GRM4: variants seen among roughly 807,000 people sequenced by gnomAD.
GRM4 encodes glutamate metabotropic receptor 4.
GRM4 carries 28 observed loss-of-function variants against 81.7 expected under a neutral mutation model. That is an observed-to-expected ratio of 0.34 (90% CI 0.25 to 0.47). The LOEUF (loss-of-function observed/expected upper bound fraction) is 0.47. Among genes scored for constraint, GRM4 ranks in the 20% least tolerant of loss-of-function variants. The pLI, the probability that GRM4 is intolerant of heterozygous loss-of-function variation, is 1.00. For missense variants in GRM4, 948 were observed against 1,290.0 expected (o/e 0.73, Z 4.06); for synonymous variants, 488 against 528.8 (o/e 0.92, Z 1.06).
Position 34,036,470 on chromosome 6 carries a change from C to T in GRM4, c.1640G>A (p.Gly547Glu), listed in dbSNP as rs779121992. The change falls in exon 9 of 11, where the codon GGG becomes GAG. Residue 547 changes from glycine to glutamate, a missense_variant. Coordinates refer to ENST00000538487, the MANE Select transcript of GRM4 (RefSeq NM_000841.4). This position sits in a 1 kb window ranked among gnomAD's most constrained non-coding sequence, Gnocchi z 9.0. ...GTAGCGGTCCACCTGGTACTGGTAC[C>T]CTGTGCAAGGCTCGCAGTGCCAGCA... is the stretch of plus-strand genomic sequence containing the variant. ...PCCWHCEPCT[G>E]YQYQVDRYTC... The T allele has an allele frequency of 6.2e-7, 1 of 1,613,540 alleles. No homozygotes were observed. Among genetic ancestry groups the T allele is most frequent in the South Asian group, 1.1e-5 (1 of 91,068 alleles).
chr6:34,120,371 G>A lies in GRM4; in HGVS notation c.519+12607C>T, dbSNP rs559489637. Among the ~76,000 whole-genome samples the A allele has an allele frequency of 5.3e-5, 8 of 152,260 alleles. No homozygotes were observed. The South Asian group carries it at 1.0e-3, about 20-fold the overall frequency. ...TCAGCCAGGTCCTGTGGGGGTGAGGGAGGCAAGGAAGGCAGGTGAGGGCTC... is the reference window on the plus strand; with the variant it reads ...TCAGCCAGGTCCTGTGGGGGTGAGGAAGGCAAGGAAGGCAGGTGAGGGCTC... On this transcript the variant is annotated intron_variant, in intron 2 of 10. Coordinates refer to ENST00000538487, the MANE Select transcript of GRM4 (RefSeq NM_000841.4).
chr6:34,075,215 C>T (rs1464087055), intron 3 of GRM4, among the ~76,000 whole-genome samples: 1 of 152,206 alleles, frequency 6.6e-6, no homozygotes, highest in Non-Finnish European at 1.5e-5. Flanking sequence ...GCTGAGGATA[C>T]TGGAGGAGCC....
intron 2 of GRM4, among the ~76,000 whole-genome samples, chr6:34,103,182 G>A (rs930525869): frequency 2.6e-5 from 4 of 152,146 alleles, no homozygotes; most frequent in South Asian, 2.1e-4. Context: ...GAAAACAAGC[G>A]GACACTTGGA....
chr6:34,048,459 C>T lies in GRM4; in HGVS notation c.1169-7711G>A. 7.0e-6 allele frequency among the ~76,000 whole-genome samples: 1 copy of T among 142,450 alleles called. No individual in the cohort carries two copies. Among genetic ancestry groups the T allele is most frequent in the Non-Finnish European group, 1.5e-5 (1 of 64,536 alleles). The allele number at this position is 142,450 out of a possible 152,430, so 93.5% of individuals were successfully genotyped here. A position where few individuals can be genotyped will look rare whatever the true frequency, so the allele number is the denominator to read the frequency against. On this transcript the variant is annotated intron_variant, in intron 6 of 10. Transcript: ENST00000538487. This position sits in a 1 kb window ranked among gnomAD's most constrained non-coding sequence, Gnocchi z 4.0. ...CTCTCCCACACAGGAGGGGCTGGGG[C>T]TGGGGGTGGGGGAACTCTGGGGACT...
chr6:34,053,745 G>A (rs1765725733), intron 6 of GRM4, among the ~76,000 whole-genome samples: 1 of 152,240 alleles, frequency 6.6e-6, no homozygotes, highest in African/African-American at 2.4e-5. Context: ...CTGACGCTCA[G>A]GTTGCATCCA....
chr6:34,040,058 G>T, intron 8 of GRM4, 120 bp downstream of exon 8: 1 of 970,884 alleles, frequency 1.0e-6, no homozygotes, highest in Non-Finnish European at 1.6e-6. Flanking sequence ...GGAAGCCCCA[G>T]CCTGGCAGCA....
At chr6:34,150,211 G>A (rs1032497041), upstream of GRM4, among the ~76,000 whole-genome samples, 1 of 152,216 alleles carries the variant, frequency 6.6e-6, no homozygotes, top group Non-Finnish European at 1.5e-5. Flanking sequence ...GAGAGAGACT[G>A]GCTGGGGCCA....
Position 34,064,990 on chromosome 6 carries a change from G to A in GRM4, c.737-2962C>T, listed in dbSNP as rs191524862. Among the ~76,000 whole-genome samples, 419 of 152,270 alleles carry A rather than the reference G, an allele frequency of 2.8e-3. 2 individuals carry two copies. The highest frequency in any genetic ancestry group is 9.5e-3 in the African/African-American group (393 of 41,540). ...TGAGGCGGAGAGGCCCCCATTTCCT[G>A]CAGCCGCTCCTGGACAGTTCCCTTT... On this transcript the variant is annotated intron_variant, in intron 3 of 10. Coordinates refer to ENST00000538487, the MANE Select transcript of GRM4 (RefSeq NM_000841.4). The surrounding 1 kb of genome is among the most constrained non-coding windows in gnomAD (Gnocchi z 4.4).
At chr6:34,096,189 G>A (rs1312868313) in intron 2 of GRM4, among the ~76,000 whole-genome samples, 1 of 152,082 alleles carries the variant, frequency 6.6e-6, no homozygotes, top group Admixed American at 6.5e-5. Flanking sequence ...CACCCTCATG[G>A]GGCAAGAGTC....
chr6:34,026,668 G>A (rs1043001039), intron 10 of GRM4, among the ~76,000 whole-genome samples: 5 of 152,106 alleles, frequency 3.3e-5, no homozygotes, highest in Non-Finnish European at 5.9e-5. Context: ...CAGGTGACTG[G>A]CTGGAGCAGA....
At position 34,064,805 on chromosome 6, in the gene GRM4, C is replaced by T. The variant is rs1188890420; in HGVS notation, c.737-2777G>A. Among the ~76,000 whole-genome samples the T allele has an allele frequency of 1.3e-5, 2 of 152,148 alleles. No homozygotes were observed. The highest frequency in any genetic ancestry group is 2.9e-5 in the Non-Finnish European group (2 of 68,018). On this transcript the variant is annotated intron_variant, in intron 3 of 10. Coordinates refer to ENST00000538487, the MANE Select transcript of GRM4 (RefSeq NM_000841.4). The surrounding 1 kb of genome is among the most constrained non-coding windows in gnomAD (Gnocchi z 4.4). ...CTGAGCACCCCCTGCATGCCTGGCA[C>T]CATGCGAGGCCCAGTCTCAATGAAT... is the stretch of plus-strand genomic sequence containing the variant.
chr6:34,062,114 G>A, intron 3 of GRM4, 86 bp from the exon 4 acceptor site: 2 of 1,437,668 alleles, frequency 1.4e-6, no homozygotes, highest in Non-Finnish European at 1.9e-6. Context: ...CGGGAGATGG[G>A]GGCTGGGTGC....
intron 2 of GRM4, among the ~76,000 whole-genome samples, chr6:34,132,089 T>C (rs535359762): frequency 6.6e-6 from 1 of 152,320 alleles, no homozygotes; most frequent in East Asian, 1.9e-4. Context: ...TTTCAGTTGT[T>C]TTAGCAGCTT....
In GRM4 at chr6:34,136,546, G is replaced by C. The variant is rs1770461277; in HGVS notation, c.-363-2687C>G. On this transcript the variant is annotated intron_variant, in intron 1 of 10. Coordinates refer to ENST00000538487, the MANE Select transcript of GRM4 (RefSeq NM_000841.4). This position sits in a 1 kb window ranked among gnomAD's most constrained non-coding sequence, Gnocchi z 4.1. ...GGCCGGAGCACGTCTGGGCTGAGCA[G>C]TGCATGCGCGCGTGCGGACACACAC... is the stretch of plus-strand genomic sequence containing the variant. Among the ~76,000 whole-genome samples, 1 of 144,528 alleles carries C rather than the reference G, an allele frequency of 6.9e-6. No individual in the cohort carries two copies. Among genetic ancestry groups the C allele is most frequent in the Non-Finnish European group, 1.5e-5 (1 of 66,428 alleles). The allele number at this position is 144,528 out of a possible 152,430, so 94.8% of individuals were successfully genotyped here.
chr6:34,026,859 C>T (rs1444972805), intron 10 of GRM4, among the ~76,000 whole-genome samples: 1 of 152,204 alleles, frequency 6.6e-6, no homozygotes, highest in Non-Finnish European at 1.5e-5. Flanking sequence ...ATCTGACAGA[C>T]CTGCTCCTGC....
At chr6:34,126,346 A>C (rs1190620877) in intron 2 of GRM4, among the ~76,000 whole-genome samples, 1 of 152,172 alleles carries the variant, frequency 6.6e-6, no homozygotes, top group African/African-American at 2.4e-5. Flanking sequence ...GCACAGGGTA[A>C]GTGCTATGTA....
chr6:34,090,902 A>C lies in GRM4; in HGVS notation c.736+981T>G, dbSNP rs556565832. Among the ~76,000 whole-genome samples the C allele has an allele frequency of 1.3e-5, 2 of 152,292 alleles. No individual in the cohort carries two copies. Among genetic ancestry groups the C allele is most frequent in the African/African-American group, 4.8e-5 (2 of 41,554 alleles). On this transcript the variant is annotated intron_variant, in intron 3 of 10. Transcript: ENST00000538487. The surrounding 1 kb of genome is among the most constrained non-coding windows in gnomAD (Gnocchi z 5.2). ...CCTTGGGAGAGACCAGGGGCAGGGC[A>C]GACGGGCCCTCTCTGCAGGAGGTGG...
At chr6:34,127,664 T>C (rs1416014684) in intron 2 of GRM4, among the ~76,000 whole-genome samples, 1 of 152,126 alleles carries the variant, frequency 6.6e-6, no homozygotes, top group Non-Finnish European at 1.5e-5. Context: ...TGTAATGGGC[T>C]GGGTAAGAGA....
chr6:34,022,527 T>C lies in GRM4; in HGVS notation c.*294A>G. 1 of 491,636 alleles carries C rather than the reference T, an allele frequency of 2.0e-6. No homozygotes were observed. The highest frequency in any genetic ancestry group is 3.7e-6 in the Non-Finnish European group (1 of 270,656). 30.5% of individuals were successfully genotyped at this position (491,636 alleles called of 1,614,324 possible). A position where few individuals can be genotyped will look rare whatever the true frequency, so the allele number is the denominator to read the frequency against. On this transcript the variant is annotated 3_prime_UTR_variant, in exon 11 of 11. Transcript: ENST00000538487. This position sits in a 1 kb window ranked among gnomAD's most constrained non-coding sequence, Gnocchi z 5.6. ...ACGAAGGGAGGGAGAGATCTAGCAC[T>C]GGGGCCCACACGACCTGAGCCCCTG...
Sources: gnomAD v4.1 joint callset for allele counts (sites outside exome capture counted in the v4.1 genomes callset) on GRCh38, gnomAD v4.1.1 for gene constraint, Gnocchi (gnomAD v3.1) non-coding constraint, MANE v1.5 for transcripts, NCBI Gene and HGNC (gene_info 2026-07-23, HGNC 2026-07-21) for gene names.